Variants in USH2A observed in about 807,000 individuals in gnomAD.
USH2A encodes usherin.
In USH2A, 443 loss-of-function variants were observed where a neutral mutation model predicts 538.9. That is an observed-to-expected ratio of 0.82 (90% CI 0.76 to 0.89). The LOEUF is 0.89. Among genes scored for constraint, USH2A ranks in the 40% least tolerant of loss-of-function variants. The pLI is 0.00. For missense variants in USH2A, 6,633 were observed against 6,324.8 expected, an observed-to-expected ratio of 1.05 and a Z score of -1.65; for synonymous variants, 2,413 against 2,273.5, an observed-to-expected ratio of 1.06 and a Z score of -1.75.
intron 11 of USH2A, among the ~76,000 whole-genome samples, chr1:216,287,345 A>C (rs1376803601): frequency 1.3e-5 from 2 of 152,246 alleles, no homozygotes; most frequent in Non-Finnish European, 2.9e-5. Context: ...CTGCTTATAA[A>C]TGGTACAGTC....
At chr1:216,072,737 C>G in intron 29 of USH2A, 152 bp downstream of exon 29, 2 of 731,670 alleles carry the variant, frequency 2.7e-6, no homozygotes, top group South Asian at 3.0e-5. Flanking sequence ...AGCATTTTAG[C>G]CATTGACAGA....
intron 38 of USH2A, among the ~76,000 whole-genome samples, chr1:215,921,427 A>G (rs1387173310): frequency 2.0e-5 from 3 of 151,976 alleles, no homozygotes; most frequent in Admixed American, 6.6e-5. Flanking sequence ...ACTTTAGAGC[A>G]TGGGTTATAC....
At chr1:215,978,556 T>A (rs1428463823) in intron 35 of USH2A, among the ~76,000 whole-genome samples, 1 of 152,196 alleles carries the variant, frequency 6.6e-6, no homozygotes, top group Non-Finnish European at 1.5e-5. Context: ...AGAATAAGAA[T>A]AATATCTACC....
chr1:216,008,530 G>A (rs2102489941), intron 32 of USH2A, among the ~76,000 whole-genome samples: 1 of 152,286 alleles, frequency 6.6e-6, no homozygotes. Flanking sequence ...CTGTTTGGTG[G>A]TCTCTTCACA....
At chr1:215,900,988 GA>G in intron 38 of USH2A, 83 bp from the exon 39 acceptor site, 1 of 1,552,220 alleles carries the variant, frequency 6.4e-7, no homozygotes. Context: ...CCATATACTG[GA>G]AAAACTGTTC....
intron 9 of USH2A, among the ~76,000 whole-genome samples, chr1:216,319,384 G>C (rs1334737192): frequency 6.6e-6 from 1 of 152,114 alleles, no homozygotes; most frequent in Non-Finnish European, 1.5e-5. Context: ...TCATTTCTGT[G>C]ACAATATGAT....
chr1:216,117,365 T>C (rs905836502), intron 21 of USH2A, among the ~76,000 whole-genome samples: 2 of 152,184 alleles, frequency 1.3e-5, no homozygotes, highest in Non-Finnish European at 2.9e-5. Context: ...TAGTAAACCA[T>C]ATAATTATAT....
Position 216,244,012 on chromosome 1 carries a change from C to T in USH2A, c.2809+2573G>A, listed in dbSNP as rs150042577. Among the ~76,000 whole-genome samples the T allele has an allele frequency of 2.1e-3, 318 of 151,928 alleles. 1 individual carries two copies. Among genetic ancestry groups the T allele is most frequent in the Middle Eastern group, 6.8e-3 (2 of 294 alleles). ...AGCTTGAGCACATTTTCAAAAACAC[C>T]TTATTTTCAAGTTTTCTATAGGTTT... is the stretch of plus-strand genomic sequence containing the variant. On this transcript the variant is annotated intron_variant, in intron 13 of 71. Transcript: ENST00000307340.
intron 37 of USH2A, among the ~76,000 whole-genome samples, chr1:215,961,511 C>CT (rs1449082677): frequency 1.3e-5 from 2 of 151,080 alleles, no homozygotes. Flanking sequence ...ATCAGGACTT[C>CT]TGGGGTAAAA....
chr1:215,759,616 T>C (rs777228978), intron 57 of USH2A, 44 bp downstream of exon 57: 4 of 1,610,954 alleles, frequency 2.5e-6, no homozygotes, highest in Non-Finnish European at 3.4e-6. Flanking sequence ...CAGAGAAATG[T>C]ACAAATCCTG....
chr1:216,002,435 C>T (rs1049450619), intron 32 of USH2A, among the ~76,000 whole-genome samples: 3 of 152,094 alleles, frequency 2.0e-5, no homozygotes, highest in Admixed American at 1.3e-4. Flanking sequence ...CTCTAAGTCC[C>T]GTTGCAGGAG....
Position 215,838,007 on chromosome 1 carries a change from G to T in USH2A, c.9355C>A (p.Arg3119Ser), listed in dbSNP as rs576236830. ...TPSDIPTPTI[R>S]GITSRSLQID... Reference sequence around the variant, plus strand: ...ATTTTGTACCTTGAAGTGATGCCACGAATTGTGGGTGTTGGTATATCACTT... The same window carrying T: ...ATTTTGTACCTTGAAGTGATGCCACTAATTGTGGGTGTTGGTATATCACTT... The change falls in exon 47 of 72, where the codon CGT becomes AGT. Residue 3119 changes from arginine to serine, a missense_variant. Transcript: ENST00000307340. 6.2e-7 allele frequency: 1 copy of T among 1,613,810 alleles called. No individual in the cohort carries two copies. Among genetic ancestry groups the T allele is most frequent in the Admixed American group, 1.7e-5 (1 of 60,020 alleles).
chr1:216,011,538 T>C (rs2102492793), intron 32 of USH2A, among the ~76,000 whole-genome samples: 1 of 152,250 alleles, frequency 6.6e-6, no homozygotes, highest in East Asian at 1.9e-4. Flanking sequence ...ATAGGCATGG[T>C]TAGTGCGGTC....
chr1:216,255,882 T>C (rs2036250011), intron 11 of USH2A, among the ~76,000 whole-genome samples: 1 of 152,206 alleles, frequency 6.6e-6, no homozygotes, highest in Non-Finnish European at 1.5e-5. Flanking sequence ...CGTTAGTTTT[T>C]GCTCTGTGCA....
At chr1:216,216,736 C>T (rs1232170576) in intron 15 of USH2A, among the ~76,000 whole-genome samples, 2 of 151,742 alleles carry the variant, frequency 1.3e-5, no homozygotes, top group Non-Finnish European at 2.9e-5. Context: ...TACTGAAAAG[C>T]GATGTTGAAA....
At chr1:216,314,004 T>A (rs1445995422) in intron 9 of USH2A, among the ~76,000 whole-genome samples, 1 of 152,198 alleles carries the variant, frequency 6.6e-6, no homozygotes, top group African/African-American at 2.4e-5. Context: ...TGGTCTTTGG[T>A]GATTATTGGA....
intron 60 of USH2A, among the ~76,000 whole-genome samples, chr1:215,728,877 G>C (rs981422746): frequency 1.3e-5 from 2 of 152,118 alleles, no homozygotes; most frequent in Non-Finnish European, 2.9e-5. Flanking sequence ...GTGTGTGCAT[G>C]TATGCATGCA....
intron 3 of USH2A, among the ~76,000 whole-genome samples, chr1:216,409,810 G>A (rs527499560): frequency 1.1e-4 from 17 of 152,190 alleles, no homozygotes; most frequent in Admixed American, 2.6e-4. Context: ...CTGGACATAG[G>A]AAATAGGAAC....
At chr1:216,139,136 G>A (rs924303916) in intron 21 of USH2A, among the ~76,000 whole-genome samples, 1 of 151,908 alleles carries the variant, frequency 6.6e-6, no homozygotes, top group African/African-American at 2.4e-5. Context: ...CATCCTCTCA[G>A]CTTCAGTATT....
Sources: allele counts gnomAD v4.1 joint callset (sites outside exome capture counted in the v4.1 genomes callset), GRCh38; gene constraint gnomAD v4.1.1; transcripts MANE v1.5; gene names NCBI Gene and HGNC (gene_info 2026-07-23, HGNC 2026-07-21).